The following ITSN1 variants were observed in gnomAD, a reference collection of about 807,000 sequenced individuals.
The protein encoded by ITSN1 is intersectin-1.
In ITSN1, 58 loss-of-function variants were observed where a neutral mutation model predicts 239.8. That is an observed-to-expected ratio of 0.24 (90% CI 0.20 to 0.30). The LOEUF is 0.30. Among genes scored for constraint, ITSN1 ranks in the 10% least tolerant of loss-of-function variants. The probability of loss-of-function intolerance (pLI) is 1.00; values close to 1 mark genes in which losing one functional copy is unlikely to be tolerated. For missense variants in ITSN1, 1,558 were observed against 2,103.3 expected (o/e 0.74, Z 5.07); for synonymous variants, 780 against 770.8 (o/e 1.01, Z -0.20).
intron 14 of ITSN1, among the ~76,000 whole-genome samples, chr21:33,775,659 G>C (rs914790121): frequency 1.3e-5 from 2 of 152,204 alleles, no homozygotes; most frequent in Admixed American, 6.5e-5. Context: ...AGGACTCTGA[G>C]ATGCCAGTTA....
At chr21:33,706,253 A>G (rs921899753) in intron 1 of ITSN1, among the ~76,000 whole-genome samples, 2 of 151,984 alleles carry the variant, frequency 1.3e-5, no homozygotes, top group Non-Finnish European at 2.9e-5. Context: ...TCCTGACCTC[A>G]AGTGATCTGC....
chr21:33,843,135 C>T (rs997426445), intron 29 of ITSN1, among the ~76,000 whole-genome samples: 2 of 152,152 alleles, frequency 1.3e-5, no homozygotes, highest in South Asian at 2.1e-4. Flanking sequence ...CTGAGGGTCT[C>T]GGGAAACACA....
chr21:33,861,992 A>G (rs1281128514), intron 31 of ITSN1, among the ~76,000 whole-genome samples: 1 of 14,204 alleles, frequency 7.0e-5, no homozygotes, highest in Non-Finnish European at 1.1e-4. Flanking sequence ...CATCTCTACT[A>G]AAAAAAAAAA....
chr21:33,670,493 T>C (rs63204960), intron 1 of ITSN1, among the ~76,000 whole-genome samples: 128 of 152,220 alleles, frequency 8.4e-4, no homozygotes, highest in African/African-American at 9.4e-4. Context: ...TTTTTTTTTT[T>C]CCCAAAACAA....
intron 9 of ITSN1, 105 bp from the exon 10 acceptor site, chr21:33,765,770 G>T: frequency 8.7e-7 from 1 of 1,150,070 alleles, no homozygotes; most frequent in Non-Finnish European, 1.3e-6. Flanking sequence ...AAGAGACTCA[G>T]TTGGCCTGTG....
chr21:33,779,207 A>G (rs2069939213), intron 14 of ITSN1, among the ~76,000 whole-genome samples: 1 of 142,230 alleles, frequency 7.0e-6, no homozygotes, highest in Admixed American at 7.0e-5. Flanking sequence ...TGTTTCTTCC[A>G]TTTACTTATT....
intron 34 of ITSN1, among the ~76,000 whole-genome samples, chr21:33,876,098 T>C (rs928963974): frequency 8.5e-6 from 1 of 118,100 alleles, no homozygotes; most frequent in African/African-American, 2.7e-5. Context: ...TCTTTCTTTC[T>C]TTCCTTCTTT....
chr21:33,643,641 T>G (rs1446492355), intron 1 of ITSN1: 2 of 152,154 alleles, frequency 1.3e-5, no homozygotes, highest in Admixed American at 1.3e-4. Flanking sequence ...TTTTATAGCC[T>G]CTTCAATATG....
chr21:33,856,699 A>G, intron 29 of ITSN1, 37 bp from the exon 30 acceptor site: 1 of 1,613,110 alleles, frequency 6.2e-7, no homozygotes, highest in Non-Finnish European at 8.5e-7. Flanking sequence ...GCTTCCCCAG[A>G]CTGTGCTAAG....
intron 4 of ITSN1, among the ~76,000 whole-genome samples, chr21:33,724,829 G>GT (rs1434152649): frequency 6.6e-6 from 1 of 151,924 alleles, no homozygotes; most frequent in Non-Finnish European, 1.5e-5. Flanking sequence ...TTTTTCTTCT[G>GT]TTTTTTGTAA....
rs566150214 is a variant in ITSN1, at chr21:33,883,448, T to G, written c.4555-102T>G. On this transcript the variant is annotated intron_variant, in intron 35 of 39. Transcript: ENST00000381318. ...ACACACGCGCTGACTTGCAGTCTCG[T>G]TTACTAGAACACATTGGCATAAGTG... 76 of 1,509,052 alleles carry G rather than the reference T, an allele frequency of 5.0e-5. 1 individual carries two copies. In the South Asian group the frequency reaches 8.6e-4, roughly 17 times the overall value. The allele number at this position is 1,509,052 out of a possible 1,614,324, so 93.5% of individuals were successfully genotyped here.
chr21:33,811,219 C>G lies in ITSN1; in HGVS notation c.2564C>G (p.Ser855Cys), dbSNP rs2072887152. The change falls in exon 21 of 40, where the codon TCC becomes TGC. Residue 855 changes from serine (S) to cysteine (C), a missense_variant. Physicochemically the swap from Ser to Cys is moderately radical, Grantham distance 112. This residue lies in a region of ITSN1 where 982 missense variants were observed against 1,209.9 expected (regional missense o/e 0.81). Coordinates refer to ENST00000381318, the MANE Select transcript of ITSN1 (RefSeq NM_003024.3). ...TTPNNWADFS[S>C]TWPTSTNEKP... ...CCTAATAACTGGGCCGACTTCAGCT[C>G]CACGTACGTGTTGGTGGGCTCTTTC... The G allele has an allele frequency of 6.3e-7, 1 of 1,583,380 alleles. No individual in the cohort carries two copies. The highest frequency in any genetic ancestry group is 8.6e-7 in the Non-Finnish European group (1 of 1,164,310).
At chr21:33,809,253 T>C (rs908609609) in intron 20 of ITSN1, among the ~76,000 whole-genome samples, 2 of 152,254 alleles carry the variant, frequency 1.3e-5, no homozygotes, top group African/African-American at 2.4e-5. Context: ...GAAGTGTTAT[T>C]GCATTTTATA....
intron 26 of ITSN1, chr21:33,829,398 G>A: frequency 1.8e-6 from 1 of 543,666 alleles, no homozygotes; most frequent in Admixed American, 3.0e-5. Flanking sequence ...AAGGGAGTCT[G>A]CAGCCCACTG....
chr21:33,819,351 T>A (rs750278706), intron 24 of ITSN1, 28 bp downstream of exon 24: 26 of 1,523,714 alleles, frequency 1.7e-5, no homozygotes, highest in Non-Finnish European at 2.4e-5. Flanking sequence ...ATTATGTTCT[T>A]CAGAAGGGTC....
intron 1 of ITSN1, among the ~76,000 whole-genome samples, chr21:33,672,705 A>G (rs1223436564): frequency 6.6e-6 from 1 of 151,968 alleles, no homozygotes; most frequent in Non-Finnish European, 1.5e-5. Context: ...TAGACAAGAT[A>G]TGGAAACGAT....
At chr21:33,819,553 C>T (rs1307059599) in intron 24 of ITSN1, among the ~76,000 whole-genome samples, 2 of 152,162 alleles carry the variant, frequency 1.3e-5, no homozygotes, top group African/African-American at 4.8e-5. Flanking sequence ...ATTATAAGCC[C>T]TTTGACTTTT....
chr21:33,886,554 T>A (rs1985829507), intron 39 of ITSN1, 94 bp downstream of exon 39: 1 of 1,109,562 alleles, frequency 9.0e-7, no homozygotes, highest in East Asian at 2.6e-5. Context: ...GTGCCAGGAT[T>A]CCTTCGGTTT....
At chr21:33,762,560 C>T (rs2068420958) in intron 9 of ITSN1, among the ~76,000 whole-genome samples, 1 of 152,118 alleles carries the variant, frequency 6.6e-6, no homozygotes, top group Admixed American at 6.5e-5. Context: ...CCACCATGCC[C>T]AGCCTCTTTG....
Sources: allele counts gnomAD v4.1 joint callset (sites outside exome capture counted in the v4.1 genomes callset), GRCh38; gene constraint gnomAD v4.1.1; regional missense constraint gnomAD v4.1.1; transcripts MANE v1.5; gene names NCBI Gene and HGNC (gene_info 2026-07-23, HGNC 2026-07-21).